Variants in DACH2 observed in about 807,000 individuals in gnomAD.
DACH2 encodes dachshund family transcription factor 2.
A neutral mutation model predicts 35.8 loss-of-function variants in DACH2; 17 were observed. The ratio of observed to expected loss-of-function variants is 0.48; its 90% CI spans 0.33 to 0.71. The LOEUF (loss-of-function observed/expected upper bound fraction) is 0.71. DACH2 is among the 30% of genes least tolerant of loss of function. The probability of loss-of-function intolerance (pLI) is 0.02; values close to 1 mark genes in which losing one functional copy is unlikely to be tolerated. For synonymous variants in DACH2, 195 were observed against 177.3 expected, an observed-to-expected ratio of 1.10 and a Z score of -0.79; for missense variants, 469 against 472.7, an observed-to-expected ratio of 0.99 and a Z score of 0.07.
chrX:86,419,835 C>A (rs1349143984), intron 2 of DACH2, among the ~76,000 whole-genome samples: 1 of 111,465 alleles, frequency 9.0e-6, no homozygotes, highest in African/African-American at 3.3e-5. Flanking sequence ...CAGATGATGC[C>A]TAGCTTCAGG....
At chrX:86,331,491 A>C (rs1223392763) in intron 1 of DACH2, among the ~76,000 whole-genome samples, 4 of 110,452 alleles carry the variant, frequency 3.6e-5, no homozygotes, top group African/African-American at 6.7e-5. Context: ...AACAAACAAA[A>C]AAACAGAAGT....
chrX:86,421,768 C>T (rs1455258974), intron 2 of DACH2, among the ~76,000 whole-genome samples: 6 of 111,087 alleles, frequency 5.4e-5, no homozygotes, highest in African/African-American at 2.0e-4. Flanking sequence ...TGTTGGAATG[C>T]TACTTATCTG....
At chrX:86,791,823 CAT>C (rs780083139) in intron 7 of DACH2, among the ~76,000 whole-genome samples, 13 of 111,884 alleles carry the variant, frequency 1.2e-4, no homozygotes, top group Non-Finnish European at 2.4e-4. Flanking sequence ...AAGACATTAA[CAT>C]GTGAAGTTTT....
At chrX:86,559,783 C>T (rs1290272918) in intron 3 of DACH2, among the ~76,000 whole-genome samples, 1 of 24,291 alleles carries the variant, frequency 4.1e-5, no homozygotes, top group Non-Finnish European at 6.3e-5. Context: ...TTTTGTTTTC[C>T]ATTGGCTTGG....
intron 3 of DACH2, among the ~76,000 whole-genome samples, chrX:86,626,454 A>C (rs887176152): frequency 1.8e-5 from 2 of 112,351 alleles, no homozygotes; most frequent in Non-Finnish European, 3.8e-5. Flanking sequence ...TATTCTGGAG[A>C]CTGGAGGACA....
chrX:86,412,970 G>A (rs987888016), intron 2 of DACH2, among the ~76,000 whole-genome samples: 96 of 111,433 alleles, frequency 8.6e-4, no homozygotes, highest in African/African-American at 3.0e-3. Context: ...ATTTTAAATA[G>A]GCCCACTAGG....
At chrX:86,539,603 T>G (rs2038852906) in intron 3 of DACH2, among the ~76,000 whole-genome samples, 1 of 111,572 alleles carries the variant, frequency 9.0e-6, no homozygotes, top group Admixed American at 9.6e-5. Flanking sequence ...ATCTTAAAAA[T>G]TTGGTGATAA....
intron 1 of DACH2, among the ~76,000 whole-genome samples, chrX:86,187,753 C>T (rs977854069): frequency 9.0e-6 from 1 of 111,133 alleles, no homozygotes; most frequent in Non-Finnish European, 1.9e-5. Context: ...TTTTTAAACA[C>T]TTCTACAAAA....
chrX:86,265,180 A>G (rs1418114064), intron 1 of DACH2, among the ~76,000 whole-genome samples: 2 of 112,124 alleles, frequency 1.8e-5, no homozygotes, highest in Non-Finnish European at 3.8e-5. Flanking sequence ...TTCTTTTTAT[A>G]AATGAATACA....
intron 1 of DACH2, among the ~76,000 whole-genome samples, chrX:86,311,706 C>G (rs2034803798): frequency 9.0e-6 from 1 of 111,129 alleles, no homozygotes; most frequent in African/African-American, 3.3e-5. Flanking sequence ...CCAGGAGACA[C>G]AACAACAATT....
At chrX:86,756,744 G>T (rs1246200490) in intron 7 of DACH2, among the ~76,000 whole-genome samples, 1 of 110,353 alleles carries the variant, frequency 9.1e-6, no homozygotes, top group Non-Finnish European at 1.9e-5. Context: ...TTATGTAATT[G>T]CTCTGGCTAG....
At chrX:86,647,943 A>C (rs1374370295) in intron 3 of DACH2, among the ~76,000 whole-genome samples, 3 of 111,114 alleles carry the variant, frequency 2.7e-5, no homozygotes, top group African/African-American at 9.8e-5. Flanking sequence ...CATAAGGGCT[A>C]TACATTATGA....
chrX:86,192,624 G>A (rs2031864611), intron 1 of DACH2, among the ~76,000 whole-genome samples: 1 of 111,643 alleles, frequency 9.0e-6, no homozygotes, highest in Admixed American at 9.6e-5. Context: ...TTGTTAACTT[G>A]GTTAACTCTA....
intron 2 of DACH2, among the ~76,000 whole-genome samples, chrX:86,444,421 CAGTAA>C (rs1370813704): frequency 9.0e-6 from 1 of 111,532 alleles, no homozygotes; most frequent in Non-Finnish European, 1.9e-5. Flanking sequence ...TAGAATTCAG[CAGTAA>C]AGTCATGAGG....
intron 1 of DACH2, among the ~76,000 whole-genome samples, chrX:86,243,473 G>T (rs984939458): frequency 1.8e-5 from 2 of 111,554 alleles, no homozygotes; most frequent in Non-Finnish European, 3.8e-5. Flanking sequence ...AAAAATAACT[G>T]GATCATAGTG....
intron 3 of DACH2, among the ~76,000 whole-genome samples, chrX:86,564,220 A>G: frequency 9.0e-6 from 1 of 111,602 alleles, no homozygotes. Flanking sequence ...TCAGAAAACC[A>G]TAATGTGATC....
intron 3 of DACH2, among the ~76,000 whole-genome samples, chrX:86,517,621 T>C (rs1176614722): frequency 9.1e-6 from 1 of 110,454 alleles, no homozygotes; most frequent in Non-Finnish European, 1.9e-5. Flanking sequence ...GGTTTCACCA[T>C]GTTAGCCAGG....
intron 1 of DACH2, among the ~76,000 whole-genome samples, chrX:86,189,661 C>T (rs1463114920): frequency 9.0e-6 from 1 of 110,828 alleles, no homozygotes; most frequent in East Asian, 2.8e-4. Context: ...GGCTATGGTA[C>T]AAAAATTGAC....
At chrX:86,639,821 G>A (rs1272762397) in intron 3 of DACH2, among the ~76,000 whole-genome samples, 1 of 111,348 alleles carries the variant, frequency 9.0e-6, no homozygotes, top group African/African-American at 3.3e-5. Context: ...CTCAAGCATA[G>A]CACAGCTGAT....
Sources: allele counts gnomAD v4.1 joint callset (sites outside exome capture counted in the v4.1 genomes callset), GRCh38; gene constraint gnomAD v4.1.1; transcripts MANE v1.5; gene names NCBI Gene and HGNC (gene_info 2026-07-23, HGNC 2026-07-21).